ANKFN1: variants seen among roughly 807,000 people sequenced by gnomAD.
ANKFN1 encodes ankyrin repeat and fibronectin type-III domain-containing protein 1.
Under a neutral mutation model 108.7 loss-of-function variants are expected in ANKFN1, and 74 were observed. That is an observed-to-expected ratio of 0.68 (90% CI 0.56 to 0.83). The LOEUF is 0.83. Among genes scored for constraint, ANKFN1 ranks in the 40% least tolerant of loss-of-function variants. The pLI is 0.00. For missense variants in ANKFN1, 1,505 were observed against 1,382.3 expected, an observed-to-expected ratio of 1.09 and a Z score of -1.41; for synonymous variants, 547 against 516.2, an observed-to-expected ratio of 1.06 and a Z score of -0.81.
chr17:56,251,520 A>G (rs563299274), intron 3 of ANKFN1, among the ~76,000 whole-genome samples: 4 of 152,356 alleles, frequency 2.6e-5, no homozygotes, highest in African/African-American at 7.2e-5. Flanking sequence ...ATTTGACTTA[A>G]TTGCACATAG....
At chr17:56,252,740 ATACT>A (rs558912723) in intron 3 of ANKFN1, among the ~76,000 whole-genome samples, 89 of 148,334 alleles carry the variant, frequency 6.0e-4, no homozygotes, top group Non-Finnish European at 1.3e-4. Context: ...TAAGATAAAA[ATACT>A]TACAGTATAA....
chr17:56,263,835 C>T (rs909532675), intron 3 of ANKFN1, among the ~76,000 whole-genome samples: 5 of 152,180 alleles, frequency 3.3e-5, no homozygotes, highest in Non-Finnish European at 7.3e-5. Context: ...CCCCCTGATA[C>T]CTGCTGTTGT....
chr17:56,048,121 A>G (rs1904711665), intron 4 of ANKFN1, among the ~76,000 whole-genome samples: 1 of 151,804 alleles, frequency 6.6e-6, no homozygotes, highest in African/African-American at 2.4e-5. Flanking sequence ...ATTCCAAAAT[A>G]CTTTCCCTTA....
intron 3 of ANKFN1, among the ~76,000 whole-genome samples, chr17:56,298,493 A>C (rs897432431): frequency 6.6e-6 from 1 of 152,178 alleles, no homozygotes; most frequent in African/African-American, 2.4e-5. Context: ...TTTTTCTTAC[A>C]AATCAACTTC....
chr17:56,105,181 C>A (rs1021898422), intron 4 of ANKFN1, among the ~76,000 whole-genome samples: 1 of 152,048 alleles, frequency 6.6e-6, no homozygotes, highest in Admixed American at 6.5e-5. Context: ...TTTTACCAGG[C>A]GCACTGAATG....
intron 4 of ANKFN1, among the ~76,000 whole-genome samples, chr17:56,049,423 G>A (rs1412945178): frequency 6.6e-6 from 1 of 151,690 alleles, no homozygotes; most frequent in Non-Finnish European, 1.5e-5. Flanking sequence ...TAAGTTTTAG[G>A]GTACATGTGC....
At chr17:56,499,330 G>T (rs1376254853) in intron 20 of ANKFN1, among the ~76,000 whole-genome samples, 1 of 152,102 alleles carries the variant, frequency 6.6e-6, no homozygotes, top group African/African-American at 2.4e-5. Flanking sequence ...AGTCATTCCA[G>T]TTCTAGGTCA....
intron 8 of ANKFN1, among the ~76,000 whole-genome samples, chr17:56,403,845 G>A (rs2047836197): frequency 6.6e-6 from 1 of 152,104 alleles, no homozygotes; most frequent in African/African-American, 2.4e-5. Context: ...AGCAGTTCTT[G>A]TAGTGGTAGC....
At chr17:56,138,153 G>T (rs1426029893) in intron 4 of ANKFN1, among the ~76,000 whole-genome samples, 4 of 152,146 alleles carry the variant, frequency 2.6e-5, no homozygotes, top group Non-Finnish European at 5.9e-5. Flanking sequence ...CTAAATTTGA[G>T]GAATACTGAG....
intron 4 of ANKFN1, among the ~76,000 whole-genome samples, chr17:56,339,730 A>G (rs1021589112): frequency 6.6e-6 from 1 of 152,070 alleles, no homozygotes; most frequent in Non-Finnish European, 1.5e-5. Context: ...GGTTGATTCC[A>G]TGTCTTTGCT....
Position 56,437,972 on chromosome 17 carries a change from A to AGG in ANKFN1, c.911-2354_911-2353dup, listed in dbSNP as rs1423413359. Among the ~76,000 whole-genome samples, 117 of 70,170 alleles carry AGG rather than the reference A, an allele frequency of 1.7e-3. 1 individual carries two copies. Among genetic ancestry groups the AGG allele is most frequent in the African/African-American group, 3.6e-3 (94 of 26,148 alleles). The allele number at this position is 70,170 out of a possible 152,430, so 46.0% of individuals were successfully genotyped here. The stretch of plus-strand genomic sequence containing the variant: ...TGTGTTGGAAAAACTAATCTACTGT[A>AGG]GGTGTGTGTGTGTGTGTGTGTGTGT... On this transcript the variant is annotated intron_variant, in intron 8 of 20. Coordinates refer to ENST00000682825, the MANE Select transcript of ANKFN1 (RefSeq NM_001370326.1).
At position 56,511,251 on chromosome 17, in the gene ANKFN1, A is replaced by G. The variant is rs948890054; in HGVS notation, c.3423A>G (p.Ile1141Met). ...CCACCGCCTCTCCCATGTCAGAAAT[A>G]CTCAGCAGCATGCTTTAGGGAGGCC... ...EGPTASPMSE[I>M]LSSML Residue 1141 changes from isoleucine (I) to methionine (M), a missense_variant, in exon 21 of 21, where the codon ATA becomes ATG. Coordinates refer to ENST00000682825, the MANE Select transcript of ANKFN1 (RefSeq NM_001370326.1). The G allele has an allele frequency of 6.5e-7, 1 of 1,528,188 alleles. No homozygotes were observed. The highest frequency in any genetic ancestry group is 8.8e-7 in the Non-Finnish European group (1 of 1,141,968). 94.7% of individuals were successfully genotyped at this position (1,528,188 alleles called of 1,614,324 possible).
chr17:56,104,585 G>T (rs1290226609), intron 4 of ANKFN1, among the ~76,000 whole-genome samples: 2 of 152,162 alleles, frequency 1.3e-5, no homozygotes, highest in Admixed American at 6.5e-5. Flanking sequence ...CTGCTGGCTG[G>T]AGGTGCCCAG....
chr17:56,411,589 A>T (rs949457371), intron 8 of ANKFN1, among the ~76,000 whole-genome samples: 1 of 152,166 alleles, frequency 6.6e-6, no homozygotes, highest in African/African-American at 2.4e-5. Context: ...AAAGCTTTCA[A>T]CTTTTTACCA....
At chr17:56,047,156 T>C (rs1018438484) in intron 4 of ANKFN1, among the ~76,000 whole-genome samples, 2 of 152,276 alleles carry the variant, frequency 1.3e-5, no homozygotes. Flanking sequence ...TCGTTACTAA[T>C]GCTAAATAAT....
At chr17:56,297,430 C>T (rs578075761) in intron 3 of ANKFN1, among the ~76,000 whole-genome samples, 1 of 152,292 alleles carries the variant, frequency 6.6e-6, no homozygotes, top group East Asian at 1.9e-4. Context: ...GGTGAGTCTG[C>T]TCACCAAGAG....
chr17:56,386,602 A>C (rs570724145), intron 8 of ANKFN1, among the ~76,000 whole-genome samples: 8 of 77,206 alleles, frequency 1.0e-4, no homozygotes, highest in Admixed American at 1.5e-4. Context: ...TTTTTTTTGC[A>C]TATTGTCTTT....
intron 3 of ANKFN1, among the ~76,000 whole-genome samples, chr17:56,234,358 T>G (rs1916955262): frequency 6.6e-6 from 1 of 151,954 alleles, no homozygotes; most frequent in Non-Finnish European, 1.5e-5. Flanking sequence ...TTTTTTTAGC[T>G]TTTATTTTAG....
chr17:56,136,681 C>T (rs62072973), intron 4 of ANKFN1, among the ~76,000 whole-genome samples: 2 of 152,110 alleles, frequency 1.3e-5, no homozygotes, highest in African/African-American at 2.4e-5. Context: ...ATTTATATAC[C>T]AAACCTACAG....
Sources: allele counts gnomAD v4.1 joint callset (sites outside exome capture counted in the v4.1 genomes callset), GRCh38; gene constraint gnomAD v4.1.1; transcripts MANE v1.5; gene names NCBI Gene and HGNC (gene_info 2026-07-23, HGNC 2026-07-21).